Variants in DNAJC10 observed in about 807,000 individuals in gnomAD.
DNAJC10 encodes DnaJ heat shock protein family (Hsp40) member C10, also known as endoplasmic reticulum disulfide reductase DNAJC10.
DNAJC10 carries 101 observed loss-of-function variants against 115.0 expected under a neutral mutation model. The ratio of observed to expected loss-of-function variants is 0.88; its 90% CI spans 0.75 to 1.04. The LOEUF (loss-of-function observed/expected upper bound fraction) is 1.04, where lower values mean the gene tolerates loss of function less well. Ranked by LOEUF, DNAJC10 falls within the 50% of genes least tolerant of loss-of-function variation. The pLI is 0.00. For missense variants in DNAJC10, 981 were observed against 928.8 expected (o/e 1.06, Z -0.73); for synonymous variants, 307 against 301.5 (o/e 1.02, Z -0.19).
At chr2:182,759,392 G>T (rs1694236858) in intron 21 of DNAJC10, 85 bp downstream of exon 21, 5 of 1,364,090 alleles carry the variant, frequency 3.7e-6, no homozygotes, top group East Asian at 2.5e-5. Flanking sequence ...TAATTTTTAG[G>T]TTTTTTTCTT....
Position 182,788,213 on chromosome 2 carries a change from A to T in DNAJC10, c.*11081A>T. The T allele has an allele frequency of 6.4e-6, 1 of 155,682 alleles. No homozygotes were observed. The highest frequency in any genetic ancestry group is 1.4e-5 in the Non-Finnish European group (1 of 70,402). 9.6% of individuals were successfully genotyped at this position (155,682 alleles called of 1,614,324 possible). A position where few individuals can be genotyped will look rare whatever the true frequency, so the allele number is the denominator to read the frequency against. On this transcript the variant is annotated 3_prime_UTR_variant, in exon 24 of 24. Transcript: ENST00000264065. ...ATCCATGGAGTGGGATTCAAGAAGC[A>T]TACCCCTCAGAGCACTCAAAGAGAT...
intron 5 of DNAJC10, among the ~76,000 whole-genome samples, chr2:182,727,998 A>G (rs1174333407): frequency 6.6e-6 from 1 of 152,234 alleles, no homozygotes; most frequent in Non-Finnish European, 1.5e-5. Context: ...AACCTTTTCA[A>G]ACAAAATGAT....
chr2:182,791,882 A>G lies in DNAJC10; in HGVS notation c.*14750A>G, dbSNP rs1360380472. ...ATTGCATCTTACATTTCAACAATGGATGTTTAAAGCGTTTAAAAGTTATGT... is the reference window on the plus strand; with the variant it reads ...ATTGCATCTTACATTTCAACAATGGGTGTTTAAAGCGTTTAAAAGTTATGT... On this transcript the variant is annotated 3_prime_UTR_variant, in exon 24 of 24. Transcript: ENST00000264065. 2 of 152,210 alleles carry G rather than the reference A, an allele frequency of 1.3e-5. No homozygotes were observed. Among genetic ancestry groups the G allele is most frequent in the African/African-American group, 4.8e-5 (2 of 41,460 alleles). 9.4% of individuals were successfully genotyped at this position (152,210 alleles called of 1,614,324 possible).
At position 182,781,077 on chromosome 2, in the gene DNAJC10, C is replaced by G. The variant is rs2105719833; in HGVS notation, c.*3945C>G. On this transcript the variant is annotated 3_prime_UTR_variant, in exon 24 of 24. Coordinates refer to ENST00000264065, the MANE Select transcript of DNAJC10 (RefSeq NM_018981.4). ...TGGTTTGCTGCACCCATCAACCTGT[C>G]ATCTACATTAGCTATTTCTTCTAAT... The G allele has an allele frequency of 6.6e-6, 1 of 152,204 alleles. No homozygotes were observed. Among genetic ancestry groups the G allele is most frequent in the African/African-American group, 2.4e-5 (1 of 41,534 alleles). 9.4% of individuals were successfully genotyped at this position (152,204 alleles called of 1,614,324 possible).
In DNAJC10 at chr2:182,789,834, CATT is replaced by C. The variant is rs1050120883; in HGVS notation, c.*12703_*12705del. The C allele has an allele frequency of 5.3e-5, 8 of 152,166 alleles. No homozygotes were observed. The highest frequency in any genetic ancestry group is 1.9e-4 in the African/African-American group (8 of 41,458). 9.4% of individuals were successfully genotyped at this position (152,166 alleles called of 1,614,324 possible). A position where few individuals can be genotyped will look rare whatever the true frequency, so the allele number is the denominator to read the frequency against. On this transcript the variant is annotated 3_prime_UTR_variant, in exon 24 of 24. Coordinates refer to ENST00000264065, the MANE Select transcript of DNAJC10 (RefSeq NM_018981.4). The stretch of plus-strand genomic sequence containing the variant: ...ATTTTTCCACATCCTCACCAACACT[CATT>C]TTTTTTAAATAGTAGGTATCCCAAT...
rs1695060825 is a variant in DNAJC10, at chr2:182,792,106, C to T, written c.*14974C>T. On this transcript the variant is annotated 3_prime_UTR_variant, in exon 24 of 24. Transcript: ENST00000264065. The stretch of plus-strand genomic sequence containing the variant: ...TTCACTTTTCATGCCATCATCTTGA[C>T]ACTCAATACATGTTCAAAGAGTAAA... The T allele has an allele frequency of 6.6e-6, 1 of 152,270 alleles. No homozygotes were observed. Among genetic ancestry groups the T allele is most frequent in the Non-Finnish European group, 1.5e-5 (1 of 68,024 alleles). The allele number at this position is 152,270 out of a possible 1,614,324, so 9.4% of individuals were successfully genotyped here.
Position 182,736,343 on chromosome 2 carries a change from C to T in DNAJC10, c.944C>T (p.Pro315Leu). 4 of 1,585,420 alleles carry T rather than the reference C, an allele frequency of 2.5e-6. No homozygotes were observed. Among genetic ancestry groups the T allele is most frequent in the Non-Finnish European group, 3.4e-6 (4 of 1,168,920 alleles). Residue 315 changes from proline (P) to leucine (L), a missense_variant, in exon 11 of 24, where the codon CCT becomes CTT. By Grantham distance (98) the Pro-to-Leu change is moderately conservative. Coordinates refer to ENST00000264065, the MANE Select transcript of DNAJC10 (RefSeq NM_018981.4). Reference protein sequence around the residue: ...DITTSTTAYFPPGATLNNKEK... With the variant: ...DITTSTTAYFLPGATLNNKEK... Reference sequence around the variant, plus strand: ...ACAACAAGTACTACTGCTTATTTTCCTCCTGGAGCCACTTTAAATAACAAA... The same window carrying T: ...ACAACAAGTACTACTGCTTATTTTCTTCCTGGAGCCACTTTAAATAACAAA...
chr2:182,757,669 G>A, intron 18 of DNAJC10, 23 bp from the exon 19 acceptor site: 11 of 1,476,110 alleles, frequency 7.5e-6, no homozygotes, highest in South Asian at 1.5e-5. Context: ...AGTTATGGAG[G>A]TAATCTGTTT....
chr2:182,759,662 G>A (rs1694243586), intron 21 of DNAJC10, among the ~76,000 whole-genome samples: 1 of 151,698 alleles, frequency 6.6e-6, no homozygotes, highest in Non-Finnish European at 1.5e-5. Flanking sequence ...TCTTTCAAAT[G>A]TCATTTCTTA....
chr2:182,780,559 C>G lies in DNAJC10; in HGVS notation c.*3427C>G, dbSNP rs1694821653. 1 of 152,080 alleles carries G rather than the reference C, an allele frequency of 6.6e-6. No individual in the cohort carries two copies. The highest frequency in any genetic ancestry group is 2.4e-5 in the African/African-American group (1 of 41,408). The allele number at this position is 152,080 out of a possible 1,614,324, so 9.4% of individuals were successfully genotyped here. A position where few individuals can be genotyped will look rare whatever the true frequency, so the allele number is the denominator to read the frequency against. ...ACCAGTCCCAGGTATTCCTTCATTG[C>G]AATGCAAAACAGACTAATACAGTTT... On this transcript the variant is annotated 3_prime_UTR_variant, in exon 24 of 24. Coordinates refer to ENST00000264065, the MANE Select transcript of DNAJC10 (RefSeq NM_018981.4).
At position 182,785,612 on chromosome 2, in the gene DNAJC10, T is replaced by G. The variant is rs1383077903; in HGVS notation, c.*8480T>G. 2 of 152,124 alleles carry G rather than the reference T, an allele frequency of 1.3e-5. No homozygotes were observed. Among genetic ancestry groups the G allele is most frequent in the African/African-American group, 4.8e-5 (2 of 41,436 alleles). 9.4% of individuals were successfully genotyped at this position (152,124 alleles called of 1,614,324 possible). Reference sequence around the variant, plus strand: ...GCAAGAATCGGGAATGTGGGAAATTTTGTAGGACAAATGGTATGATTTCTT... The same window carrying G: ...GCAAGAATCGGGAATGTGGGAAATTGTGTAGGACAAATGGTATGATTTCTT... On this transcript the variant is annotated 3_prime_UTR_variant, in exon 24 of 24. Coordinates refer to ENST00000264065, the MANE Select transcript of DNAJC10 (RefSeq NM_018981.4).
chr2:182,728,430 G>A (rs1693346894), intron 5 of DNAJC10, 146 bp from the exon 6 acceptor site: 1 of 544,678 alleles, frequency 1.8e-6, no homozygotes, highest in East Asian at 3.1e-5. Context: ...AGAAGATATA[G>A]AAAAACATCA....
Position 182,782,294 on chromosome 2 carries a change from C to T in DNAJC10, c.*5162C>T, listed in dbSNP as rs956660072. 8.3e-4 allele frequency: 127 copies of T among 152,228 alleles called. 1 individual carries two copies. Among genetic ancestry groups the T allele is most frequent in the African/African-American group, 2.9e-3 (120 of 41,534 alleles). The allele number at this position is 152,228 out of a possible 1,614,324, so 9.4% of individuals were successfully genotyped here. A position where few individuals can be genotyped will look rare whatever the true frequency, so the allele number is the denominator to read the frequency against. ...TTATTTCTGAGGGCTGTGTTCTGTT[C>T]CATTGGTCTATAGCTCTGTTTTGGT... On this transcript the variant is annotated 3_prime_UTR_variant, in exon 24 of 24. Coordinates refer to ENST00000264065, the MANE Select transcript of DNAJC10 (RefSeq NM_018981.4).
chr2:182,758,328 A>C (rs1694207852), intron 19 of DNAJC10, among the ~76,000 whole-genome samples: 1 of 152,172 alleles, frequency 6.6e-6, no homozygotes, highest in Non-Finnish European at 1.5e-5. Flanking sequence ...CTGTTTCCAC[A>C]ACACCACGTG....
intron 22 of DNAJC10, among the ~76,000 whole-genome samples, chr2:182,775,020 C>T (rs1274398503): frequency 6.6e-6 from 1 of 151,094 alleles, no homozygotes; most frequent in African/African-American, 2.4e-5. Flanking sequence ...TATCCAGGAA[C>T]ATCTGTTCTT....
intron 22 of DNAJC10, among the ~76,000 whole-genome samples, chr2:182,771,975 C>G (rs924858553): frequency 6.6e-6 from 1 of 152,210 alleles, no homozygotes; most frequent in Non-Finnish European, 1.5e-5. Context: ...AAATTTCCCT[C>G]TAAACACTGC....
At chr2:182,726,564 A>C (rs886480068) in intron 5 of DNAJC10, among the ~76,000 whole-genome samples, 6 of 152,208 alleles carry the variant, frequency 3.9e-5, no homozygotes, top group Non-Finnish European at 7.3e-5. Context: ...AAAATCTTTC[A>C]GGAAAGGAGA....
At position 182,793,330 on chromosome 2, in the gene DNAJC10, G is replaced by C. The variant is rs974669868; in HGVS notation, c.*16198G>C. On this transcript the variant is annotated 3_prime_UTR_variant, in exon 24 of 24. Transcript: ENST00000264065. ...TAAGGACTTTAGCTTTCTAACTTTT[G>C]TAAGGACTTCAACTTCTACTCACAG... 6.6e-6 allele frequency: 1 copy of C among 152,182 alleles called. No individual in the cohort carries two copies. The highest frequency in any genetic ancestry group is 2.1e-4 in the South Asian group (1 of 4,818). The allele number at this position is 152,182 out of a possible 1,614,324, so 9.4% of individuals were successfully genotyped here.
rs185250260 is a variant in DNAJC10, at chr2:182,744,609, A to G, written c.1306+897A>G. Among the ~76,000 whole-genome samples the G allele has an allele frequency of 1.2e-3, 184 of 152,252 alleles. 2 individuals are homozygous for G. The highest frequency in any genetic ancestry group is 0.012 in the Admixed American group (181 of 15,274). ...GGAACTTTGGGGTAAGATAACCCTC[A>G]CAGTAACTACTGTTTATTCACTGCT... On this transcript the variant is annotated intron_variant, in intron 14 of 23. Transcript: ENST00000264065.
Sources: allele counts gnomAD v4.1 joint callset (sites outside exome capture counted in the v4.1 genomes callset), GRCh38; gene constraint gnomAD v4.1.1; transcripts MANE v1.5; gene names NCBI Gene and HGNC (gene_info 2026-07-23, HGNC 2026-07-21).